LZTFL1: variants seen among roughly 807,000 people sequenced by gnomAD.
The protein encoded by LZTFL1 is leucine zipper transcription factor like 1.
Under a neutral mutation model 45.9 loss-of-function variants are expected in LZTFL1, and 25 were observed. The observed-to-expected ratio is 0.54, with a 90% CI of 0.40 to 0.76. LZTFL1 has a LOEUF of 0.76. Ranked by LOEUF, LZTFL1 falls within the 30% of genes least tolerant of loss-of-function variation. LZTFL1 has a pLI of 0.00. For synonymous variants in LZTFL1, 93 were observed against 117.4 expected (o/e 0.79, Z 1.35); for missense variants, 277 against 331.1 (o/e 0.84, Z 1.27).
At chr3:45,873,434 C>G (rs1243447115) in intron 2 of LZTFL1, among the ~76,000 whole-genome samples, 2 of 152,076 alleles carry the variant, frequency 1.3e-5, no homozygotes, top group Non-Finnish European at 2.9e-5. Flanking sequence ...CCTTACTTGC[C>G]TTCCCATCTT....
upstream of LZTFL1, among the ~76,000 whole-genome samples, chr3:45,844,691 A>G (rs1013771822): frequency 9.2e-5 from 14 of 152,204 alleles, no homozygotes; most frequent in Non-Finnish European, 2.1e-4. Context: ...AGTAGCCAAG[A>G]CCTTATAGAA....
chr3:45,858,433 C>T (rs577312578), intron 3 of LZTFL1, among the ~76,000 whole-genome samples: 1 of 152,260 alleles, frequency 6.6e-6, no homozygotes, highest in African/African-American at 2.4e-5. Flanking sequence ...CAGAAACAGT[C>T]AAAGTGACAG....
In LZTFL1 at chr3:45,826,278, T is replaced by G. The variant is rs1420392830; in HGVS notation, c.*36A>C. ...TGCCTGAGGTGAGACTGCTTGTATGTTTGCATGTGGTAGCTTCCAGAGGAA... is the reference window on the plus strand; with the variant it reads ...TGCCTGAGGTGAGACTGCTTGTATGGTTGCATGTGGTAGCTTCCAGAGGAA... On this transcript the variant is annotated 3_prime_UTR_variant, in exon 10 of 10. Transcript: ENST00000296135. 6.2e-7 allele frequency: 1 copy of G among 1,603,242 alleles called. No homozygotes were observed. The highest frequency in any genetic ancestry group is 8.5e-7 in the Non-Finnish European group (1 of 1,170,532).
intron 3 of LZTFL1, 37 bp downstream of exon 3, chr3:45,835,553 C>T: frequency 6.4e-7 from 1 of 1,565,828 alleles, no homozygotes; most frequent in Non-Finnish European, 8.8e-7. Context: ...TATGCTTGGG[C>T]CATTATTGTC....
At chr3:45,915,516 C>T in exon 1 of LZTFL1, 1 of 456,470 alleles carries the variant, frequency 2.2e-6, no homozygotes. Flanking sequence ...CGGGGGAGAC[C>T]TCCTGAAATC....
chr3:45,894,972 C>T lies in LZTFL1; in HGVS notation c.-215+18148G>A, dbSNP rs372485536. 5.0e-6 allele frequency: 8 copies of T among 1,612,812 alleles called. No individual in the cohort carries two copies. In the East Asian group the frequency reaches 6.7e-5, roughly 13 times the overall value. On this transcript the variant is annotated intron_variant, in intron 2 of 4. Coordinates refer to the LZTFL1 transcript ENST00000472635. The stretch of plus-strand genomic sequence containing the variant: ...ACTTCACAGTGAGTACAGCCGTGCT[C>T]CTCTGGCTCCTCAAAACACACACTC...
chr3:45,854,965 C>G (rs1370213238), intron 4 of LZTFL1: 1 of 1,491,476 alleles, frequency 6.7e-7, no homozygotes, highest in South Asian at 1.2e-5. Context: ...TATAATATGT[C>G]AGATGCGCTT....
chr3:45,913,872 G>A (rs1472133623), intron 1 of LZTFL1, among the ~76,000 whole-genome samples: 2 of 152,142 alleles, frequency 1.3e-5, no homozygotes, highest in Admixed American at 1.3e-4. Flanking sequence ...TGGGGAAGGG[G>A]ATGTTTTTCC....
Position 45,901,687 on chromosome 3 carries a change from A to C in LZTFL1, c.-215+11433T>G, listed in dbSNP as rs1575307574. ...TCCACCAACATTGACATCTGCTTCC[A>C]GGTCACCCAGACCATCGCCTTCTTC... On this transcript the variant is annotated intron_variant, in intron 2 of 4. Transcript: ENST00000472635. The surrounding 1 kb of genome is among the most constrained non-coding windows in gnomAD (Gnocchi z 4.3). 1 of 1,614,074 alleles carries C rather than the reference A, an allele frequency of 6.2e-7. No individual in the cohort carries two copies. The highest frequency in any genetic ancestry group is 1.1e-5 in the South Asian group (1 of 91,072).
intron 7 of LZTFL1, among the ~76,000 whole-genome samples, chr3:45,829,608 GAA>G (rs1206418827): frequency 1.2e-3 from 70 of 58,930 alleles, no homozygotes; most frequent in African/African-American, 3.5e-3. Flanking sequence ...TGTCTCAAAA[GAA>G]AAAAAAAAAA....
chr3:45,869,637 T>A (rs903989910), intron 2 of LZTFL1, among the ~76,000 whole-genome samples: 1 of 152,136 alleles, frequency 6.6e-6, no homozygotes, highest in African/African-American at 2.4e-5. Context: ...CCCTCCTTTG[T>A]GGAAGGTGCC....
chr3:45,842,155 T>A, upstream of LZTFL1: 4 of 1,496,426 alleles, frequency 2.7e-6, no homozygotes, highest in Non-Finnish European at 3.6e-6. Context: ...TGGACTGCAA[T>A]TATGCATTTT....
intron 1 of LZTFL1, 151 bp from the exon 2 acceptor site, chr3:45,838,202 T>A: frequency 2.6e-6 from 2 of 755,352 alleles, no homozygotes; most frequent in South Asian, 2.0e-5. Flanking sequence ...GCTGCCCACC[T>A]AGATGACACT....
chr3:45,840,117 C>G (rs1401478203), intron 1 of LZTFL1, among the ~76,000 whole-genome samples: 3 of 152,198 alleles, frequency 2.0e-5, no homozygotes, highest in Admixed American at 2.0e-4. Context: ...TGGCCAATTC[C>G]TATCTGTTCA....
Position 45,900,756 on chromosome 3 carries a change from C to T in LZTFL1, c.-215+12364G>A. The T allele has an allele frequency of 6.4e-7, 1 of 1,554,238 alleles. No individual in the cohort carries two copies. The highest frequency in any genetic ancestry group is 1.8e-5 in the Admixed American group (1 of 56,452). ...AGAGGTCCATGCCTCTGCCATCAGA[C>T]AGGACCTTCAAAATATTTTCCTTGA... On this transcript the variant is annotated intron_variant, in intron 2 of 4. Transcript: ENST00000472635. This position sits in a 1 kb window ranked among gnomAD's most constrained non-coding sequence, Gnocchi z 4.7.
chr3:45,843,087 G>A (rs1249818462), upstream of LZTFL1, among the ~76,000 whole-genome samples: 2 of 152,216 alleles, frequency 1.3e-5, no homozygotes, highest in African/African-American at 2.4e-5. Context: ...AGGCAGTGGC[G>A]TGGGTATGCC....
intron 2 of LZTFL1, among the ~76,000 whole-genome samples, chr3:45,887,249 G>C (rs553616921): frequency 8.4e-6 from 1 of 118,828 alleles, no homozygotes; most frequent in Admixed American, 1.0e-4. Flanking sequence ...GTGCGTGTGT[G>C]TCTGTGTGTG....
At chr3:45,839,999 T>A (rs1046275255) in intron 1 of LZTFL1, among the ~76,000 whole-genome samples, 4 of 152,224 alleles carry the variant, frequency 2.6e-5, no homozygotes, top group Non-Finnish European at 5.9e-5. Context: ...TATTATTGAT[T>A]ATCTTTTTTT....
At chr3:45,878,362 T>C (rs1701789137) in intron 2 of LZTFL1, among the ~76,000 whole-genome samples, 1 of 152,180 alleles carries the variant, frequency 6.6e-6, no homozygotes, top group African/African-American at 2.4e-5. Flanking sequence ...TGTAGCTATT[T>C]TGATGCTGTG....
Sources: gnomAD v4.1 joint callset for allele counts (sites outside exome capture counted in the v4.1 genomes callset) on GRCh38, gnomAD v4.1.1 for gene constraint, Gnocchi (gnomAD v3.1) non-coding constraint, MANE v1.5 for transcripts, NCBI Gene and HGNC (gene_info 2026-07-23, HGNC 2026-07-21) for gene names.